Variants in ARHGEF12 observed in about 807,000 individuals in gnomAD.
ARHGEF12 encodes KMT2A/ARHGEF12 fusion protein.
Under a neutral mutation model 211.2 loss-of-function variants are expected in ARHGEF12, and 66 were observed. The observed-to-expected ratio is 0.31, with a 90% CI of 0.26 to 0.38. The LOEUF (loss-of-function observed/expected upper bound fraction) is 0.38, where lower values mean the gene tolerates loss of function less well. Ranked by LOEUF, ARHGEF12 falls within the 10% of genes least tolerant of loss-of-function variation. The pLI, the probability that ARHGEF12 is intolerant of heterozygous loss-of-function variation, is 1.00. For missense variants in ARHGEF12, 1,429 were observed against 1,869.5 expected, an observed-to-expected ratio of 0.76 and a Z score of 4.34; for synonymous variants, 592 against 638.4, an observed-to-expected ratio of 0.93 and a Z score of 1.09.
chr11:120,424,538 C>A, intron 7 of ARHGEF12, 123 bp downstream of exon 7: 2 of 648,168 alleles, frequency 3.1e-6, no homozygotes, highest in Non-Finnish European at 2.6e-6. Flanking sequence ...AGTCTACTGC[C>A]GACTCTGTCA....
At position 120,451,705 on chromosome 11, in the gene ARHGEF12, A is replaced by C. The variant is rs192344841; in HGVS notation, c.2037A>C (p.Gly679=). ...CAGGGGCCTCTTTTTCCCAGGAAGG[A>C]GGGAAAGAGAATGATACAGGTGAGC... is the stretch of plus-strand genomic sequence containing the variant. ...VASGASFSQE[G]GKENDTGSKQ... is the part of the protein sequence containing the mutation. The change falls in exon 22 of 41, where the codon GGA becomes GGC. Residue 679 remains glycine, a synonymous_variant. Coordinates refer to ENST00000397843, the MANE Select transcript of ARHGEF12 (RefSeq NM_015313.3). 2.8e-4 allele frequency: 459 copies of C among 1,613,832 alleles called. 2 individuals carry two copies. The African/African-American group carries it at 5.6e-3, about 20-fold the overall frequency.
chr11:120,374,105 C>G (rs2135422373), intron 1 of ARHGEF12, among the ~76,000 whole-genome samples: 1 of 152,246 alleles, frequency 6.6e-6, no homozygotes, highest in African/African-American at 2.4e-5. Flanking sequence ...CCGCACCCGG[C>G]CAAAAAATGT....
chr11:120,447,941 A>G (rs1946092402), intron 19 of ARHGEF12, 35 bp downstream of exon 19: 1 of 1,469,552 alleles, frequency 6.8e-7, no homozygotes, highest in Non-Finnish European at 9.2e-7. Flanking sequence ...TAGAATTTTA[A>G]GAAAAAAAGA....
chr11:120,482,327 C>T (rs560703573), intron 39 of ARHGEF12, among the ~76,000 whole-genome samples: 200 of 152,268 alleles, frequency 1.3e-3, no homozygotes, highest in African/African-American at 4.5e-3. Flanking sequence ...TAGAAATTGG[C>T]TTCAGTGGCT....
At chr11:120,448,624 G>A in intron 20 of ARHGEF12, 1 of 416,056 alleles carries the variant, frequency 2.4e-6, no homozygotes, top group Non-Finnish European at 4.3e-6. Context: ...CTTTTACTTT[G>A]CCTAAACTAA....
At chr11:120,396,679 G>A (rs1944400375) in intron 1 of ARHGEF12, among the ~76,000 whole-genome samples, 1 of 152,278 alleles carries the variant, frequency 6.6e-6, no homozygotes, top group South Asian at 2.1e-4. Context: ...AAAATATATT[G>A]TAGACCTAAA....
At chr11:120,363,233 T>A (rs1000779048) in intron 1 of ARHGEF12, among the ~76,000 whole-genome samples, 1 of 152,254 alleles carries the variant, frequency 6.6e-6, no homozygotes, top group Admixed American at 6.5e-5. Context: ...CTGCTTTAAC[T>A]ATTCTTTTCC....
intron 1 of ARHGEF12, among the ~76,000 whole-genome samples, chr11:120,355,866 G>A (rs1457398168): frequency 6.6e-6 from 1 of 152,144 alleles, no homozygotes; most frequent in African/African-American, 2.4e-5. Context: ...TCTAAGTTGT[G>A]TTACAGGGAA....
At chr11:120,468,688 C>T (rs1373330658) in intron 29 of ARHGEF12, among the ~76,000 whole-genome samples, 2 of 152,144 alleles carry the variant, frequency 1.3e-5, no homozygotes, top group Non-Finnish European at 2.9e-5. Flanking sequence ...TGACCTCAGG[C>T]AGTCCGCCTG....
At chr11:120,355,838 T>G (rs2135334464) in intron 1 of ARHGEF12, among the ~76,000 whole-genome samples, 1 of 152,372 alleles carries the variant, frequency 6.6e-6, no homozygotes, top group East Asian at 1.9e-4. Flanking sequence ...TATTTTAAGA[T>G]AAATTACAGG....
intron 4 of ARHGEF12, among the ~76,000 whole-genome samples, chr11:120,415,189 A>G (rs192862565): frequency 6.6e-6 from 1 of 152,290 alleles, no homozygotes; most frequent in Admixed American, 6.5e-5. Flanking sequence ...TTTTTTAATT[A>G]ATGAAATTTG....
chr11:120,481,270 G>A lies in ARHGEF12; in HGVS notation c.4248G>A (p.Leu1416=), dbSNP rs367678741. 18 of 1,613,898 alleles carry A rather than the reference G, an allele frequency of 1.1e-5. No individual in the cohort carries two copies. The highest frequency in any genetic ancestry group is 2.2e-5 in the South Asian group (2 of 91,058). ...DVNLRISGNY[L]ILDGYDPVQE... ...TGTCTCTATCCATAGGAAACTATTTGATCCTTGATGGCTATGACCCAGTGC... is the reference window on the plus strand; with the variant it reads ...TGTCTCTATCCATAGGAAACTATTTAATCCTTGATGGCTATGACCCAGTGC... The change falls in exon 39 of 41, where the codon TTG becomes TTA. Residue 1416 remains leucine (L), a synonymous_variant. Coordinates refer to ENST00000397843, the MANE Select transcript of ARHGEF12 (RefSeq NM_015313.3).
intron 27 of ARHGEF12, chr11:120,464,649 C>T (rs1946644144): frequency 6.6e-6 from 1 of 151,842 alleles, no homozygotes. Context: ...CAAATGTCAG[C>T]TTGTCTGTGT....
rs763797225 is a variant in ARHGEF12 at position 120,481,345 on chromosome 11, C to T, written c.4323C>T (p.Pro1441=). 1.9e-6 allele frequency: 3 copies of T among 1,614,052 alleles called. No individual in the cohort carries two copies. The highest frequency in any genetic ancestry group is 1.3e-5 in the African/African-American group (1 of 74,920). The change falls in exon 39 of 41, where the codon CCC becomes CCT. Residue 1441 remains proline (P), a synonymous_variant. Transcript: ENST00000397843. ...TTGCTTCCTCACTTACCCTGCAGCC[C>T]ATGACAGGCATCCCTGCTGTGGAAT... ...EEVASSLTLQ[P]MTGIPAVEST...
At position 120,445,461 on chromosome 11, in the gene ARHGEF12, C is replaced by G. The variant is rs2135806595; in HGVS notation, c.1342C>G (p.Leu448Val). 6 of 1,614,070 alleles carry G rather than the reference C, an allele frequency of 3.7e-6. No individual in the cohort carries two copies. The highest frequency in any genetic ancestry group is 5.1e-6 in the Non-Finnish European group (6 of 1,179,916). The change falls in exon 16 of 41, where the codon CTA becomes GTA. Residue 448 changes from leucine (L) to valine (V), a missense_variant. Physicochemically the swap from Leu to Val is conservative, Grantham distance 32 (BLOSUM62 1). Coordinates refer to ENST00000397843, the MANE Select transcript of ARHGEF12 (RefSeq NM_015313.3). Reference sequence around the variant, plus strand: ...TGTTCCTGATGAAATGTCTGCAGATCTAGGTAAGCTTGGAGCACTAACATC... The same window carrying G: ...TGTTCCTGATGAAATGTCTGCAGATGTAGGTAAGCTTGGAGCACTAACATC... The part of the protein sequence containing the change: ...VSVPDEMSAD[L>V]EKRRPELIPE...
rs1173135578 is a variant in ARHGEF12, at chr11:120,336,574, G to C, written c.-670G>C. Among the ~76,000 whole-genome samples, 3 of 152,080 alleles carry C rather than the reference G, an allele frequency of 2.0e-5. No individual in the cohort carries two copies. The highest frequency in any genetic ancestry group is 2.0e-4 in the Admixed American group (3 of 15,276). ...TGCGGAAGAGTCCGGGCCTCAAAGG[G>C]ATGGGGAGCAGTCCGCGGCGCTGAG... On this transcript the variant is annotated 5_prime_UTR_variant, in exon 1 of 41. Coordinates refer to ENST00000397843, the MANE Select transcript of ARHGEF12 (RefSeq NM_015313.3).
chr11:120,458,984 T>A, intron 25 of ARHGEF12, 190 bp from the exon 26 acceptor site: 1 of 412,796 alleles, frequency 2.4e-6, no homozygotes, highest in Non-Finnish European at 4.1e-6. Flanking sequence ...TTTGTCAGTA[T>A]TCAACTCTCA....
chr11:120,478,729 A>C (rs1462302903), intron 37 of ARHGEF12, among the ~76,000 whole-genome samples: 4 of 152,224 alleles, frequency 2.6e-5, no homozygotes, highest in Non-Finnish European at 5.9e-5. Flanking sequence ...AAAAAGATTA[A>C]TCTGGCTGAA....
chr11:120,448,535 A>G (rs1946112569), intron 20 of ARHGEF12, 187 bp downstream of exon 20: 3 of 569,924 alleles, frequency 5.3e-6, no homozygotes, highest in Middle Eastern at 4.0e-4. Context: ...CATATAAACT[A>G]TTATTAGACA....
Sources: gnomAD v4.1 joint callset for allele counts (sites outside exome capture counted in the v4.1 genomes callset) on GRCh38, gnomAD v4.1.1 for gene constraint, MANE v1.5 for transcripts, NCBI Gene and HGNC (gene_info 2026-07-23, HGNC 2026-07-21) for gene names.